CPEB3: variants seen among roughly 807,000 people sequenced by gnomAD.
CPEB3 encodes the protein cytoplasmic polyadenylation element binding protein 3.
In CPEB3, 20 loss-of-function variants were observed where a neutral mutation model predicts 67.2. The observed-to-expected ratio is 0.30, with a 90% CI of 0.21 to 0.43. The LOEUF (loss-of-function observed/expected upper bound fraction) is 0.43, where lower values mean the gene tolerates loss of function less well. Ranked by LOEUF, CPEB3 falls within the 20% of genes least tolerant of loss-of-function variation. The pLI, the probability that CPEB3 is intolerant of heterozygous loss-of-function variation, is 1.00. For synonymous variants in CPEB3, 376 were observed against 393.1 expected, an observed-to-expected ratio of 0.96 and a Z score of 0.51; for missense variants, 746 against 968.6, an observed-to-expected ratio of 0.77 and a Z score of 3.05.
intron 6 of CPEB3, chr10:92,118,655 A>G: frequency 1.6e-6 from 1 of 626,020 alleles, no homozygotes; most frequent in Non-Finnish European, 3.0e-6. Flanking sequence ...GGAACCCAAG[A>G]TGGCTGCACT....
chr10:92,146,037 T>C (rs1427304048), intron 4 of CPEB3, among the ~76,000 whole-genome samples: 2 of 152,096 alleles, frequency 1.3e-5, no homozygotes, highest in African/African-American at 4.8e-5. Flanking sequence ...GATGTGGGAG[T>C]ATAAATGTGG....
chr10:92,053,258 A>G (rs903979199), intron 9 of CPEB3, among the ~76,000 whole-genome samples: 2 of 152,210 alleles, frequency 1.3e-5, no homozygotes, highest in Admixed American at 6.5e-5. Flanking sequence ...AAACGAAGCA[A>G]AGCTGCATGA....
At chr10:92,098,441 TG>T (rs1190524297) in intron 7 of CPEB3, among the ~76,000 whole-genome samples, 1 of 151,976 alleles carries the variant, frequency 6.6e-6, no homozygotes, top group Non-Finnish European at 1.5e-5. Context: ...CCCAAGTAGC[TG>T]GGATTACAAG....
At chr10:92,093,280 C>T (rs1590118569) in intron 7 of CPEB3, among the ~76,000 whole-genome samples, 1 of 152,076 alleles carries the variant, frequency 6.6e-6, no homozygotes, top group African/African-American at 2.4e-5. Flanking sequence ...AGATAGAAAA[C>T]AAAAAAGTTG....
intron 4 of CPEB3, among the ~76,000 whole-genome samples, chr10:92,164,444 T>C (rs1377124148): frequency 3.9e-5 from 6 of 152,222 alleles, no homozygotes; most frequent in African/African-American, 1.4e-4. Flanking sequence ...AATTTCTTTG[T>C]GTGCTTTTGC....
At chr10:92,204,383 CTGTGTCA>C (rs751293005) in intron 2 of CPEB3, 1 of 152,184 alleles carries the variant, frequency 6.6e-6, no homozygotes, top group Non-Finnish European at 1.5e-5. Flanking sequence ...AAAACAACAG[CTGTGTCA>C]ATTTGGGCTA....
At chr10:92,159,082 T>C (rs2133936773) in intron 4 of CPEB3, among the ~76,000 whole-genome samples, 2 of 151,576 alleles carry the variant, frequency 1.3e-5, no homozygotes, top group South Asian at 4.2e-4. Flanking sequence ...GCCAACATGG[T>C]GAAACCTCAT....
chr10:92,208,902 T>G (rs1254245324), intron 2 of CPEB3, among the ~76,000 whole-genome samples: 1 of 152,118 alleles, frequency 6.6e-6, no homozygotes, highest in African/African-American at 2.4e-5. Context: ...CTGAGAGCTT[T>G]TTTTGACTCC....
At chr10:92,277,799 G>C (rs555924442) in intron 1 of CPEB3, among the ~76,000 whole-genome samples, 1 of 151,958 alleles carries the variant, frequency 6.6e-6, no homozygotes, top group Non-Finnish European at 1.5e-5. Context: ...GCTGAGGCAG[G>C]AGAATCGCTT....
At chr10:92,286,783 T>C (rs1208556091) in intron 1 of CPEB3, among the ~76,000 whole-genome samples, 1 of 152,150 alleles carries the variant, frequency 6.6e-6, no homozygotes, top group Non-Finnish European at 1.5e-5. Flanking sequence ...TATTATACCA[T>C]TTCTGTAACG....
chr10:92,247,305 C>T (rs1313677333), intron 1 of CPEB3, among the ~76,000 whole-genome samples: 1 of 152,150 alleles, frequency 6.6e-6, no homozygotes, highest in African/African-American at 2.4e-5. Flanking sequence ...GCAACCTCCA[C>T]CTCCCAGGTT....
At chr10:92,200,230 TC>T (rs1849452517) in intron 2 of CPEB3, among the ~76,000 whole-genome samples, 1 of 152,024 alleles carries the variant, frequency 6.6e-6, no homozygotes, top group Non-Finnish European at 1.5e-5. Context: ...TCAAGAACCC[TC>T]AAAATAGCCC....
intron 2 of CPEB3, among the ~76,000 whole-genome samples, chr10:92,198,740 A>G (rs1168840684): frequency 2.6e-5 from 4 of 152,214 alleles, no homozygotes; most frequent in Admixed American, 1.3e-4. Context: ...ACTGAGGAAA[A>G]CTGAGGCTCA....
chr10:92,077,354 C>T (rs1009184069), intron 9 of CPEB3, among the ~76,000 whole-genome samples: 5 of 152,060 alleles, frequency 3.3e-5, no homozygotes, highest in East Asian at 3.9e-4. Context: ...AAGAAGAAAA[C>T]GAAGGGGACA....
chr10:92,181,393 G>C (rs1293039265), intron 3 of CPEB3, among the ~76,000 whole-genome samples: 2 of 125,134 alleles, frequency 1.6e-5, no homozygotes, highest in Non-Finnish European at 3.3e-5. Flanking sequence ...AAAAAAAATA[G>C]ATTCAAACAA....
At chr10:92,117,180 TA>T (rs1390624490) in intron 6 of CPEB3, among the ~76,000 whole-genome samples, 1 of 146,900 alleles carries the variant, frequency 6.8e-6, no homozygotes, top group Non-Finnish European at 1.5e-5. Context: ...CCCGCCACCA[TA>T]CCTGGCAAAT....
intron 1 of CPEB3, among the ~76,000 whole-genome samples, chr10:92,275,052 T>C (rs905977651): frequency 1.3e-5 from 2 of 152,202 alleles, no homozygotes; most frequent in African/African-American, 2.4e-5. Context: ...CAGCCACTAC[T>C]TGACTGTTCC....
chr10:92,216,065 A>G (rs1850369051), intron 2 of CPEB3, among the ~76,000 whole-genome samples: 1 of 142,590 alleles, frequency 7.0e-6, no homozygotes, highest in Non-Finnish European at 1.5e-5. Context: ...TTTTTTTTTA[A>G]TAAGCGAAGA....
intron 6 of CPEB3, among the ~76,000 whole-genome samples, chr10:92,121,062 G>A (rs1845347227): frequency 6.7e-6 from 1 of 149,534 alleles, no homozygotes; most frequent in Non-Finnish European, 1.5e-5. Flanking sequence ...AGGCTGGAGT[G>A]CAGTGGCACA....
Sources: gnomAD v4.1 joint callset for allele counts (sites outside exome capture counted in the v4.1 genomes callset) on GRCh38, gnomAD v4.1.1 for gene constraint, MANE v1.5 for transcripts, NCBI Gene and HGNC (gene_info 2026-07-23, HGNC 2026-07-21) for gene names.